LEPR: variants seen among roughly 807,000 people sequenced by gnomAD.
The protein encoded by LEPR is leptin receptor, also known as OB receptor.
A neutral mutation model predicts 114.7 loss-of-function variants in LEPR; 56 were observed. That is an observed-to-expected ratio of 0.49 (90% CI 0.39 to 0.61). LEPR has a LOEUF of 0.61. Among genes scored for constraint, LEPR ranks in the 20% least tolerant of loss-of-function variants. The pLI, the probability that LEPR is intolerant of heterozygous loss-of-function variation, is 0.00. For synonymous variants in LEPR, 443 were observed against 461.4 expected (o/e 0.96, Z 0.51); for missense variants, 1,202 against 1,352.9 (o/e 0.89, Z 1.75).
chr1:65,442,114 G>A (rs1334819290), intron 2 of LEPR, among the ~76,000 whole-genome samples: 1 of 152,220 alleles, frequency 6.6e-6, no homozygotes, highest in South Asian at 2.1e-4. Context: ...TACCCCAAAT[G>A]CCTCAGAAAT....
chr1:65,428,403 T>C (rs1039876182), intron 2 of LEPR, among the ~76,000 whole-genome samples: 4 of 152,212 alleles, frequency 2.6e-5, no homozygotes, highest in African/African-American at 9.7e-5. Flanking sequence ...TGTGTCTCCT[T>C]TCTCACTGTT....
chr1:65,627,715 A>G (rs2101028922), intron 19 of LEPR, among the ~76,000 whole-genome samples: 1 of 152,308 alleles, frequency 6.6e-6, no homozygotes, highest in Non-Finnish European at 1.5e-5. Context: ...CCAAATGATG[A>G]ATAAATAAGC....
intron 2 of LEPR, among the ~76,000 whole-genome samples, chr1:65,453,853 C>T (rs544509974): frequency 3.8e-4 from 58 of 151,558 alleles, no homozygotes; most frequent in Non-Finnish European, 1.9e-4. Context: ...CTTTCTGTCT[C>T]GTTGATCTGT....
chr1:65,506,042 C>A (rs1373049087), intron 2 of LEPR, among the ~76,000 whole-genome samples: 1 of 152,172 alleles, frequency 6.6e-6, no homozygotes, highest in Non-Finnish European at 1.5e-5. Context: ...AAAGTAAGAG[C>A]TGGCAAACAT....
chr1:65,574,531 GTAGAGGTTA>G (rs1474734062), intron 5 of LEPR, among the ~76,000 whole-genome samples: 2 of 152,298 alleles, frequency 1.3e-5, no homozygotes, highest in Non-Finnish European at 1.5e-5. Context: ...AATTCCTGCT[GTAGAGGTTA>G]ATATGACAGA....
intron 2 of LEPR, chr1:65,427,811 TAGA>T: frequency 2.4e-6 from 1 of 418,084 alleles, no homozygotes; most frequent in Non-Finnish European, 4.8e-6. Flanking sequence ...TGATTTTTTT[TAGA>T]AGTTTTTGTA....
intron 10 of LEPR, among the ~76,000 whole-genome samples, chr1:65,603,698 GTTTTT>G (rs71736052): frequency 1.5e-5 from 2 of 135,322 alleles, no homozygotes; most frequent in Non-Finnish European, 3.2e-5. Flanking sequence ...TTTGCAACTG[GTTTTT>G]TTTTTTTTTT....
At chr1:65,522,800 C>G (rs1329288539) in intron 2 of LEPR, among the ~76,000 whole-genome samples, 1 of 150,558 alleles carries the variant, frequency 6.6e-6, no homozygotes, top group African/African-American at 2.4e-5. Flanking sequence ...TAGGTGATCT[C>G]ATTAATTTCC....
chr1:65,440,000 C>CAAAAAAA (rs550347312), intron 2 of LEPR, among the ~76,000 whole-genome samples: 106 of 57,970 alleles, frequency 1.8e-3, no homozygotes, highest in African/African-American at 3.5e-3. Context: ...GATTCTGTCT[C>CAAAAAAA]AAAAAAAAAA....
At chr1:65,436,071 T>C (rs766440653) in intron 2 of LEPR, 225 of 984,720 alleles carry the variant, frequency 2.3e-4, no homozygotes, top group Non-Finnish European at 2.5e-4. Flanking sequence ...TACGTTACAT[T>C]TGGAAAGGAG....
In LEPR at chr1:65,621,360, T is replaced by G; in HGVS notation, c.2499T>G (p.Ile833Met). 1 of 1,612,902 alleles carries G rather than the reference T, an allele frequency of 6.2e-7. No individual in the cohort carries two copies. Among genetic ancestry groups the G allele is most frequent in the Non-Finnish European group, 8.5e-7 (1 of 1,179,246 alleles). The stretch of plus-strand genomic sequence containing the variant: ...ATTGTATTTCTTTTTCAGATGATAT[T>G]GAAAAACACCAGAGTGATGCAGGTT... ...KIINSFTQDD[I>M]EKHQSDAGLY... The change falls in exon 18 of 20, where the codon ATT becomes ATG. Residue 833 changes from isoleucine to methionine, a missense_variant. By Grantham distance (10) the Ile-to-Met change is conservative. Coordinates refer to ENST00000349533, the MANE Select transcript of LEPR (RefSeq NM_002303.6).
intron 2 of LEPR, among the ~76,000 whole-genome samples, chr1:65,466,497 A>T (rs1557607923): frequency 6.6e-6 from 1 of 151,958 alleles, no homozygotes; most frequent in Non-Finnish European, 1.5e-5. Flanking sequence ...CTGACAATTA[A>T]TGTGTCTTGG....
chr1:65,528,059 T>C (rs562053064), intron 2 of LEPR, among the ~76,000 whole-genome samples: 11 of 152,042 alleles, frequency 7.2e-5, no homozygotes, highest in Admixed American at 5.2e-4. Flanking sequence ...GAGAAAAAAG[T>C]AATCTCTTCA....
chr1:65,558,548 T>G (rs1417101865), intron 2 of LEPR, among the ~76,000 whole-genome samples: 1 of 33,838 alleles, frequency 3.0e-5, no homozygotes, highest in African/African-American at 1.0e-4. Flanking sequence ...GTTTTTTTTT[T>G]GTTTTTTTTT....
intron 2 of LEPR, among the ~76,000 whole-genome samples, chr1:65,498,543 T>C (rs1259031065): frequency 6.6e-6 from 1 of 152,076 alleles, no homozygotes; most frequent in African/African-American, 2.4e-5. Flanking sequence ...TGGTGTTGGG[T>C]ATAATAATGG....
At chr1:65,634,238 C>T (rs1418322562) in intron 19 of LEPR, 4 of 934,534 alleles carry the variant, frequency 4.3e-6, no homozygotes, top group African/African-American at 3.6e-5. Context: ...ATATATGGAT[C>T]CCTTATATTT....
intron 2 of LEPR, among the ~76,000 whole-genome samples, chr1:65,529,740 T>C (rs1464017607): frequency 6.6e-6 from 1 of 152,182 alleles, no homozygotes; most frequent in African/African-American, 2.4e-5. Flanking sequence ...GTTGTCAGTG[T>C]TCATTTTACT....
intron 14 of LEPR, 27 bp downstream of exon 14, chr1:65,610,323 A>G: frequency 6.4e-7 from 1 of 1,559,300 alleles, no homozygotes; most frequent in Non-Finnish European, 8.8e-7. Flanking sequence ...TATTAATCTT[A>G]AATTGTATTT....
At chr1:65,529,698 C>T (rs1650252954) in intron 2 of LEPR, among the ~76,000 whole-genome samples, 1 of 152,124 alleles carries the variant, frequency 6.6e-6, no homozygotes, top group Non-Finnish European at 1.5e-5. Flanking sequence ...TCAAGTTCAC[C>T]AATGATACTA....
Sources: gnomAD v4.1 joint callset for allele counts (sites outside exome capture counted in the v4.1 genomes callset) on GRCh38, gnomAD v4.1.1 for gene constraint, MANE v1.5 for transcripts, NCBI Gene and HGNC (gene_info 2026-07-23, HGNC 2026-07-21) for gene names.